FOXP1: variants seen among roughly 807,000 people sequenced by gnomAD.
FOXP1 encodes the protein forkhead box P1.
In FOXP1, 15 loss-of-function variants were observed where a neutral mutation model predicts 98.2. The ratio of observed to expected loss-of-function variants is 0.15; its 90% CI spans 0.10 to 0.24. FOXP1 has a LOEUF of 0.24. Ranked by LOEUF, FOXP1 falls within the 10% of genes least tolerant of loss-of-function variation. The pLI, the probability that FOXP1 is intolerant of heterozygous loss-of-function variation, is 1.00. For missense variants in FOXP1, 633 were observed against 848.5 expected, an observed-to-expected ratio of 0.75 and a Z score of 3.15; for synonymous variants, 371 against 314.5, an observed-to-expected ratio of 1.18 and a Z score of -1.90.
At chr3:71,460,309 A>C (rs1271861029) in intron 3 of FOXP1, among the ~76,000 whole-genome samples, 1 of 151,732 alleles carries the variant, frequency 6.6e-6, no homozygotes, top group East Asian at 1.9e-4. Context: ...GCGTGATCTC[A>C]GCTCACTGCA....
chr3:71,178,397 G>A (rs1271138839), intron 6 of FOXP1, among the ~76,000 whole-genome samples: 1 of 151,460 alleles, frequency 6.6e-6, no homozygotes, highest in African/African-American at 2.4e-5. Context: ...GTCTCTCAAA[G>A]TGCTGGGATG....
chr3:71,378,999 T>A (rs938320182), intron 3 of FOXP1, among the ~76,000 whole-genome samples: 2 of 152,092 alleles, frequency 1.3e-5, no homozygotes, highest in African/African-American at 4.8e-5. Flanking sequence ...TTGGCTAACT[T>A]CTGGTCTCAG....
chr3:71,478,399 T>C lies in FOXP1; in HGVS notation c.-168+15027A>G, dbSNP rs991083688. Among the ~76,000 whole-genome samples, 11 of 152,270 alleles carry C rather than the reference T, an allele frequency of 7.2e-5. No homozygotes were observed. The East Asian group carries it at 1.3e-3, about 19-fold the overall frequency. ...AATAAATACTAAAAAGGGGCCACCATGAACTCTCTCTTGTGAAGTTTGCCA... is the reference window on the plus strand; with the variant it reads ...AATAAATACTAAAAAGGGGCCACCACGAACTCTCTCTTGTGAAGTTTGCCA... On this transcript the variant is annotated intron_variant, in intron 3 of 20. Coordinates refer to ENST00000649528, the MANE Select transcript of FOXP1 (RefSeq NM_001349338.3).
intron 7 of FOXP1, among the ~76,000 whole-genome samples, chr3:71,063,906 A>G (rs1308489752): frequency 6.6e-6 from 1 of 152,138 alleles, no homozygotes. Flanking sequence ...CCCACTTCCT[A>G]AAGGTCCTCT....
intron 3 of FOXP1, among the ~76,000 whole-genome samples, chr3:71,476,841 T>C (rs1046708444): frequency 6.6e-6 from 1 of 152,092 alleles, no homozygotes; most frequent in Non-Finnish European, 1.5e-5. Context: ...GTTCTTAAAT[T>C]ATGTTTCCTG....
chr3:71,463,764 T>G (rs2088403795), intron 3 of FOXP1, among the ~76,000 whole-genome samples: 1 of 152,180 alleles, frequency 6.6e-6, no homozygotes, highest in Admixed American at 6.5e-5. Flanking sequence ...CAATTAATCA[T>G]GTCCTGGAGG....
chr3:71,260,609 C>T (rs2069045327), intron 5 of FOXP1, among the ~76,000 whole-genome samples: 1 of 148,324 alleles, frequency 6.7e-6, no homozygotes, highest in African/African-American at 2.5e-5. Flanking sequence ...ACGGGGTGAT[C>T]TGGGCTCACT....
At chr3:71,432,867 T>TAAAAAAAAAAAAAAAAAAAAAAC (rs1560478182) in intron 3 of FOXP1, among the ~76,000 whole-genome samples, 1 of 79,180 alleles carries the variant, frequency 1.3e-5, no homozygotes, top group African/African-American at 5.9e-5. Flanking sequence ...AAAAAAAAAA[T>TAAAAAAAAAAAAAAAAAAAAAAC]TAAAAAAAAA....
chr3:71,337,967 T>C (rs1173021455), intron 4 of FOXP1, among the ~76,000 whole-genome samples: 1 of 152,218 alleles, frequency 6.6e-6, no homozygotes, highest in Non-Finnish European at 1.5e-5. Context: ...TTCACAGGGC[T>C]GGACATCCTT....
chr3:71,043,047 A>T (rs2048556660), intron 10 of FOXP1, among the ~76,000 whole-genome samples: 1 of 152,200 alleles, frequency 6.6e-6, no homozygotes, highest in South Asian at 2.1e-4. Context: ...ATTATTGCAC[A>T]GCAGACCAAT....
At chr3:71,342,440 C>T (rs2077063396) in intron 4 of FOXP1, among the ~76,000 whole-genome samples, 2 of 152,244 alleles carry the variant, frequency 1.3e-5, no homozygotes, top group Admixed American at 6.5e-5. Flanking sequence ...GAGATCGAGG[C>T]AGGTGGATCA....
chr3:71,536,011 T>A (rs1049844345), intron 2 of FOXP1, among the ~76,000 whole-genome samples: 6 of 152,268 alleles, frequency 3.9e-5, no homozygotes, highest in African/African-American at 1.4e-4. Context: ...TTGGGGGCAG[T>A]CCTGAGAGGC....
At chr3:71,143,418 C>T (rs2060163172) in intron 6 of FOXP1, among the ~76,000 whole-genome samples, 1 of 152,144 alleles carries the variant, frequency 6.6e-6, no homozygotes, top group South Asian at 2.1e-4. Context: ...TCTCATCTTC[C>T]TTCCCCTCTT....
At chr3:71,005,993 C>G (rs1054623442) in intron 12 of FOXP1, among the ~76,000 whole-genome samples, 9 of 152,046 alleles carry the variant, frequency 5.9e-5, no homozygotes, top group Non-Finnish European at 1.2e-4. Context: ...CACAAACAAT[C>G]AAACACAGGA....
intron 10 of FOXP1, among the ~76,000 whole-genome samples, chr3:71,043,927 A>G (rs1176563630): frequency 6.6e-6 from 1 of 152,238 alleles, no homozygotes; most frequent in African/African-American, 2.4e-5. Flanking sequence ...CATTATCCAT[A>G]GAGAAAAATG....
chr3:70,977,097 ATT>A (rs1232921450), intron 16 of FOXP1, 55 bp from the exon 17 acceptor site: 4 of 1,159,842 alleles, frequency 3.4e-6, no homozygotes, highest in Middle Eastern at 1.9e-4. Context: ...CAGAGTCGTC[ATT>A]CCACAGTTTC....
At chr3:71,136,205 C>T (rs2059814732) in intron 6 of FOXP1, among the ~76,000 whole-genome samples, 1 of 152,210 alleles carries the variant, frequency 6.6e-6, no homozygotes. Flanking sequence ...GAAGTCTTAT[C>T]ACTGGAAATG....
At chr3:71,579,636 T>TTTTTTTTTTTTTTTTTC (rs2048002467) in intron 2 of FOXP1, among the ~76,000 whole-genome samples, 1 of 147,944 alleles carries the variant, frequency 6.8e-6, no homozygotes, top group African/African-American at 2.5e-5. Flanking sequence ...TTTTTTCTTT[T>TTTTTTTTTTTTTTTTTC]TTTTTTTTTT....
chr3:71,396,238 C>T (rs967959425), intron 3 of FOXP1, among the ~76,000 whole-genome samples: 5 of 152,120 alleles, frequency 3.3e-5, no homozygotes, highest in Admixed American at 6.5e-5. Flanking sequence ...ACTTTTGGAG[C>T]TGCCACAGAG....
Sources: allele counts gnomAD v4.1 joint callset (sites outside exome capture counted in the v4.1 genomes callset), GRCh38; gene constraint gnomAD v4.1.1; transcripts MANE v1.5; gene names NCBI Gene and HGNC (gene_info 2026-07-23, HGNC 2026-07-21).